Variants in TUSC3 observed in about 807,000 individuals in gnomAD.
TUSC3 encodes the protein tumor suppressor candidate 3.
A neutral mutation model predicts 44.8 loss-of-function variants in TUSC3; 45 were observed. The ratio of observed to expected loss-of-function variants is 1.00; its 90% CI spans 0.79 to 1.29. The LOEUF is 1.29. TUSC3 is among the 50% of genes most tolerant of loss of function. TUSC3 has a pLI of 0.00. For synonymous variants in TUSC3, 212 were observed against 152.9 expected (o/e 1.39, Z -2.85); for missense variants, 519 against 437.9 (o/e 1.19, Z -1.65).
At chr8:15,457,809 T>C (rs1268304405) in intron 1 of TUSC3, among the ~76,000 whole-genome samples, 6 of 85,904 alleles carry the variant, frequency 7.0e-5, no homozygotes, top group Non-Finnish European at 1.4e-4. Context: ...AATAAAATAA[T>C]TTATTAGATA....
intron 2 of TUSC3, among the ~76,000 whole-genome samples, chr8:15,513,603 C>T (rs976232842): frequency 6.6e-5 from 10 of 152,042 alleles, no homozygotes; most frequent in African/African-American, 1.2e-4. Flanking sequence ...GTCTTAGTGA[C>T]GGTAGATTTA....
At chr8:15,834,396 A>G in the TUSC3 span, among the ~76,000 whole-genome samples, 1 of 152,154 alleles carries the variant, frequency 6.6e-6, no homozygotes, top group Non-Finnish European at 1.5e-5. Context: ...ACAAATCTGT[A>G]GTGACCATAG....
intron 2 of TUSC3, among the ~76,000 whole-genome samples, chr8:15,522,272 G>A (rs117895418): frequency 0.02 from 2,947 of 150,576 alleles, 27 homozygotes; most frequent in Non-Finnish European, 0.029. Flanking sequence ...TTGCTCTATC[G>A]CCCATGCTGG....
intron 1 of TUSC3, among the ~76,000 whole-genome samples, chr8:15,552,787 T>C (rs1802102488): frequency 6.6e-6 from 1 of 151,464 alleles, no homozygotes; most frequent in African/African-American, 2.4e-5. Flanking sequence ...ATCTTGGGAG[T>C]GACAAAGTGA....
intron 9 of TUSC3, among the ~76,000 whole-genome samples, chr8:15,751,614 A>T (rs1190745115): frequency 6.6e-6 from 1 of 152,190 alleles, no homozygotes; most frequent in Admixed American, 6.5e-5. Flanking sequence ...GGAGGTGTTC[A>T]AAGAGCTCAC....
intron 4 of TUSC3, 81 bp downstream of exon 4, chr8:15,659,728 A>T (rs1807336048): frequency 6.4e-7 from 1 of 1,560,708 alleles, no homozygotes; most frequent in Non-Finnish European, 8.7e-7. Flanking sequence ...CCACAGTAAT[A>T]CTTTTTAATT....
rs924139967 is a variant in TUSC3, at chr8:15,482,777, C to T, written n.92-609C>T. ...AGCAAATCTGTATATACAGAAATTC[C>T]TATGAATGGGAAAAAATAGGAAAAA... On this transcript the variant is annotated intron_variant and non_coding_transcript_variant, in intron 1 of 5. Coordinates refer to the TUSC3 transcript ENST00000503191. 3.9e-5 allele frequency among the ~76,000 whole-genome samples: 6 copies of T among 152,254 alleles called. No individual in the cohort carries two copies. In the East Asian group the frequency reaches 1.2e-3, roughly 29 times the overall value.
chr8:15,488,861 C>G (rs924748250), intron 2 of TUSC3, among the ~76,000 whole-genome samples: 1 of 152,154 alleles, frequency 6.6e-6, no homozygotes, highest in Non-Finnish European at 1.5e-5. Flanking sequence ...GCCACTCAGT[C>G]TATAGTATTT....
intron 6 of TUSC3, among the ~76,000 whole-genome samples, chr8:15,716,183 T>G (rs1424308956): frequency 6.6e-6 from 1 of 152,068 alleles, no homozygotes; most frequent in African/African-American, 2.4e-5. Context: ...TTGAGCCCAG[T>G]AGGTGGAGGT....
At chr8:15,751,296 A>T (rs1811691432) in intron 9 of TUSC3, among the ~76,000 whole-genome samples, 1 of 152,154 alleles carries the variant, frequency 6.6e-6, no homozygotes, top group South Asian at 2.1e-4. Context: ...CAGATGTTGG[A>T]AAAAGTTCAG....
chr8:15,576,029 T>A (rs1206144087), intron 1 of TUSC3, among the ~76,000 whole-genome samples: 1 of 151,962 alleles, frequency 6.6e-6, no homozygotes, highest in Non-Finnish European at 1.5e-5. Flanking sequence ...GCTTTTTCCT[T>A]TTGAAATTTA....
intron 6 of TUSC3, among the ~76,000 whole-genome samples, chr8:15,691,705 G>GT (rs1808909154): frequency 6.6e-6 from 1 of 152,148 alleles, no homozygotes; most frequent in Non-Finnish European, 1.5e-5. Flanking sequence ...TTTGTTGAGG[G>GT]TTTTTAACAT....
chr8:15,695,725 A>C (rs2129192660), intron 6 of TUSC3, among the ~76,000 whole-genome samples: 1 of 152,304 alleles, frequency 6.6e-6, no homozygotes, highest in Admixed American at 6.5e-5. Flanking sequence ...TGAAATCCAG[A>C]CTAAGGTGGT....
intron 6 of TUSC3, among the ~76,000 whole-genome samples, chr8:15,715,087 G>A (rs1241167388): frequency 1.3e-5 from 2 of 151,946 alleles, no homozygotes; most frequent in Non-Finnish European, 2.9e-5. Context: ...ACACCTCAAG[G>A]TTTCTTTTTT....
At chr8:15,813,389 CAAAA>C in the TUSC3 span, among the ~76,000 whole-genome samples, 3 of 145,130 alleles carry the variant, frequency 2.1e-5, no homozygotes, top group African/African-American at 7.6e-5. Flanking sequence ...AACAAACAAA[CAAAA>C]AAAAAAACAG....
At chr8:15,606,052 C>T (rs774606494) in intron 1 of TUSC3, among the ~76,000 whole-genome samples, 1 of 151,874 alleles carries the variant, frequency 6.6e-6, no homozygotes, top group African/African-American at 2.4e-5. Flanking sequence ...ATAGTGTAAA[C>T]CTTGAATAAC....
chr8:15,564,864 G>C (rs907501298), intron 1 of TUSC3, among the ~76,000 whole-genome samples: 3 of 152,068 alleles, frequency 2.0e-5, no homozygotes, highest in Admixed American at 6.6e-5. Context: ...GTGTGGTTCT[G>C]TGTTAGTGTG....
intron 1 of TUSC3, among the ~76,000 whole-genome samples, chr8:15,572,840 C>T (rs1399671024): frequency 6.6e-6 from 1 of 152,020 alleles, no homozygotes; most frequent in African/African-American, 2.4e-5. Flanking sequence ...TGACATTTAT[C>T]GATTAAATTT....
At chr8:15,495,336 C>T (rs1800867511) in intron 2 of TUSC3, among the ~76,000 whole-genome samples, 1 of 152,174 alleles carries the variant, frequency 6.6e-6, no homozygotes, top group Non-Finnish European at 1.5e-5. Flanking sequence ...TCACACCTGA[C>T]AAAGAACCCA....
Sources: gnomAD v4.1 joint callset for allele counts (sites outside exome capture counted in the v4.1 genomes callset) on GRCh38, gnomAD v4.1.1 for gene constraint, MANE v1.5 for transcripts, NCBI Gene and HGNC (gene_info 2026-07-23, HGNC 2026-07-21) for gene names.